Variants in BMPR1B observed in about 807,000 individuals in gnomAD.
BMPR1B encodes the protein bone morphogenetic protein receptor type-1B.
BMPR1B carries 12 observed loss-of-function variants against 59.1 expected under a neutral mutation model. The ratio of observed to expected loss-of-function variants is 0.20; its 90% CI spans 0.13 to 0.33. The LOEUF (loss-of-function observed/expected upper bound fraction) is 0.33. Among genes scored for constraint, BMPR1B ranks in the 10% least tolerant of loss-of-function variants. BMPR1B has a pLI of 1.00. For synonymous variants in BMPR1B, 237 were observed against 207.3 expected (o/e 1.14, Z -1.23); for missense variants, 550 against 610.9 (o/e 0.90, Z 1.05).
chr4:94,936,816 A>G (rs968416257), intron 2 of BMPR1B, among the ~76,000 whole-genome samples: 12 of 152,052 alleles, frequency 7.9e-5, no homozygotes, highest in African/African-American at 2.9e-4. Flanking sequence ...ATCTGTACTT[A>G]GGCTTGAAAT....
intron 1 of BMPR1B, among the ~76,000 whole-genome samples, chr4:94,795,279 A>G (rs903026296): frequency 6.8e-6 from 1 of 146,630 alleles, no homozygotes. Flanking sequence ...TGAGATAATC[A>G]TGTGGTTTTT....
In BMPR1B at chr4:94,953,436, G is replaced by A. The variant is rs528901988; in HGVS notation, c.-112-42604G>A. 4.5e-3 allele frequency among the ~76,000 whole-genome samples: 682 copies of A among 152,266 alleles called. 3 individuals carry two copies. The highest frequency in any genetic ancestry group is 5.9e-3 in the Non-Finnish European group (400 of 68,024). Reference sequence around the variant, plus strand: ...TCCATATTTACTGCTTCCTTCAGGAGCTCTTGTAAGGCAGGCCTGGTAGTG... The same window carrying A: ...TCCATATTTACTGCTTCCTTCAGGAACTCTTGTAAGGCAGGCCTGGTAGTG... On this transcript the variant is annotated intron_variant, in intron 2 of 12. Transcript: ENST00000515059.
At chr4:95,030,970 C>T (rs2149156299) in intron 3 of BMPR1B, among the ~76,000 whole-genome samples, 1 of 151,942 alleles carries the variant, frequency 6.6e-6, no homozygotes, top group South Asian at 2.1e-4. Flanking sequence ...GATTCAATGC[C>T]ATCCCCATCA....
intron 2 of BMPR1B, among the ~76,000 whole-genome samples, chr4:94,920,017 G>A (rs1300253902): frequency 2.6e-5 from 4 of 151,988 alleles, no homozygotes; most frequent in Non-Finnish European, 4.4e-5. Flanking sequence ...GGTGCCTCTA[G>A]TGTTAAAAGT....
intron 2 of BMPR1B, among the ~76,000 whole-genome samples, chr4:94,936,030 G>A (rs969390324): frequency 1.3e-5 from 2 of 152,078 alleles, no homozygotes; most frequent in Admixed American, 6.6e-5. Context: ...CAGTGGTAAA[G>A]TCAGTGGGTG....
intron 1 of BMPR1B, among the ~76,000 whole-genome samples, chr4:94,780,564 A>T (rs1250342507): frequency 6.6e-6 from 1 of 151,648 alleles, no homozygotes; most frequent in African/African-American, 2.4e-5. Context: ...TCATATGATA[A>T]CTCTGTGTTT....
intron 11 of BMPR1B, among the ~76,000 whole-genome samples, chr4:95,151,260 C>T (rs771203693): frequency 1.3e-5 from 2 of 152,154 alleles, no homozygotes; most frequent in Non-Finnish European, 2.9e-5. Flanking sequence ...TTGAGTAATT[C>T]ATAATTTTAA....
At chr4:94,972,004 A>G (rs973421782) in intron 2 of BMPR1B, among the ~76,000 whole-genome samples, 2 of 151,746 alleles carry the variant, frequency 1.3e-5, no homozygotes, top group Non-Finnish European at 2.9e-5. Context: ...TGATCATTTG[A>G]TATAAATTTG....
At chr4:95,009,019 C>T (rs542147165) in intron 3 of BMPR1B, among the ~76,000 whole-genome samples, 1 of 152,126 alleles carries the variant, frequency 6.6e-6, no homozygotes, top group East Asian at 1.9e-4. Context: ...CACTCCACTG[C>T]ACTGTAGCCT....
At chr4:94,984,109 TA>T (rs1721258336) in intron 2 of BMPR1B, among the ~76,000 whole-genome samples, 1 of 152,210 alleles carries the variant, frequency 6.6e-6, no homozygotes, top group Non-Finnish European at 1.5e-5. Context: ...GGCATGGTGT[TA>T]TGCACACTTA....
At chr4:94,843,426 T>C (rs921232266) in intron 1 of BMPR1B, among the ~76,000 whole-genome samples, 1 of 152,218 alleles carries the variant, frequency 6.6e-6, no homozygotes, top group African/African-American at 2.4e-5. Context: ...GAAGTCATGC[T>C]TCACTGGGTC....
At chr4:95,000,727 G>A (rs1306275305) in intron 3 of BMPR1B, among the ~76,000 whole-genome samples, 3 of 152,014 alleles carry the variant, frequency 2.0e-5, no homozygotes, top group Non-Finnish European at 2.9e-5. Context: ...CCTTAGTATG[G>A]AAAGATTATA....
At chr4:94,976,283 A>G (rs1437913642) in intron 2 of BMPR1B, among the ~76,000 whole-genome samples, 1 of 152,200 alleles carries the variant, frequency 6.6e-6, no homozygotes, top group Non-Finnish European at 1.5e-5. Context: ...TGAGAGCTGC[A>G]TTGACTTTTA....
chr4:94,928,573 GGGT>G (rs1268645245), intron 2 of BMPR1B, among the ~76,000 whole-genome samples: 128 of 151,062 alleles, frequency 8.5e-4, no homozygotes, highest in African/African-American at 2.8e-3. Context: ...GTGGAAGGCT[GGGT>G]TGTTTTTTTT....
chr4:94,765,064 C>T (rs1260282540), intron 1 of BMPR1B, among the ~76,000 whole-genome samples: 2 of 152,108 alleles, frequency 1.3e-5, no homozygotes, highest in African/African-American at 4.8e-5. Context: ...CTAAGTGGCT[C>T]TTGTTAACCT....
chr4:94,793,487 T>C (rs1723062720), intron 1 of BMPR1B, among the ~76,000 whole-genome samples: 1 of 150,760 alleles, frequency 6.6e-6, no homozygotes. Flanking sequence ...TACGGGTGCA[T>C]GTGTCTTTAT....
intron 3 of BMPR1B, among the ~76,000 whole-genome samples, chr4:95,086,485 A>C (rs571270590): frequency 6.6e-6 from 1 of 152,334 alleles, no homozygotes; most frequent in African/African-American, 2.4e-5. Flanking sequence ...CATAGTTTTC[A>C]TGACATGACA....
chr4:95,098,515 C>G (rs760465399), intron 3 of BMPR1B, among the ~76,000 whole-genome samples: 4 of 151,920 alleles, frequency 2.6e-5, no homozygotes, highest in Non-Finnish European at 4.4e-5. Context: ...GTGGAGTACA[C>G]ATGAAGATCT....
chr4:95,153,323 T>C (rs1735188425), intron 12 of BMPR1B, among the ~76,000 whole-genome samples: 1 of 152,148 alleles, frequency 6.6e-6, no homozygotes, highest in Non-Finnish European at 1.5e-5. Flanking sequence ...AAGCAGCGGC[T>C]AGTAAGGAAG....
Sources: allele counts gnomAD v4.1 joint callset (sites outside exome capture counted in the v4.1 genomes callset), GRCh38; gene constraint gnomAD v4.1.1; transcripts MANE v1.5; gene names NCBI Gene and HGNC (gene_info 2026-07-23, HGNC 2026-07-21).